The following CDH18 variants were observed in gnomAD, a reference collection of about 807,000 sequenced individuals.
The protein encoded by CDH18 is cadherin-18.
A neutral mutation model predicts 67.9 loss-of-function variants in CDH18; 31 were observed. The ratio of observed to expected loss-of-function variants is 0.46; its 90% CI spans 0.34 to 0.62. The LOEUF (loss-of-function observed/expected upper bound fraction) is 0.62, where lower values mean the gene tolerates loss of function less well. Among genes scored for constraint, CDH18 ranks in the 20% least tolerant of loss-of-function variants. CDH18 has a pLI of 0.01. For synonymous variants in CDH18, 362 were observed against 347.2 expected, an observed-to-expected ratio of 1.04 and a Z score of -0.48; for missense variants, 890 against 975.5, an observed-to-expected ratio of 0.91 and a Z score of 1.17.
intron 2 of CDH18, among the ~76,000 whole-genome samples, chr5:20,115,278 T>TTTTTC (rs1263737192): frequency 8.2e-6 from 1 of 121,472 alleles, no homozygotes; most frequent in Admixed American, 8.9e-5. Context: ...ATCTTTTTTT[T>TTTTTC]TTTTTTTTTT....
intron 5 of CDH18, among the ~76,000 whole-genome samples, chr5:19,679,340 C>A (rs2150377638): frequency 6.6e-6 from 1 of 151,984 alleles, no homozygotes; most frequent in Non-Finnish European, 1.5e-5. Context: ...AATCCACAGC[C>A]AACATCATAT....
intron 2 of CDH18, among the ~76,000 whole-genome samples, chr5:20,040,703 C>T (rs930289184): frequency 6.6e-6 from 1 of 151,980 alleles, no homozygotes; most frequent in Non-Finnish European, 1.5e-5. Flanking sequence ...AAATGGGATC[C>T]CAGTAAATAG....
intron 9 of CDH18, among the ~76,000 whole-genome samples, chr5:19,535,314 G>A (rs1289747513): frequency 3.3e-5 from 5 of 152,128 alleles, no homozygotes; most frequent in Non-Finnish European, 7.4e-5. Flanking sequence ...TTCCCTTCGC[G>A]AGCTAAGTAA....
intron 1 of CDH18, among the ~76,000 whole-genome samples, chr5:20,261,414 A>T (rs1230907521): frequency 6.6e-6 from 1 of 152,088 alleles, no homozygotes; most frequent in Non-Finnish European, 1.5e-5. Context: ...AATACTTGAA[A>T]TGTAGAAATT....
intron 4 of CDH18, among the ~76,000 whole-genome samples, chr5:19,743,413 TG>T (rs937778841): frequency 3.6e-4 from 55 of 152,194 alleles, no homozygotes; most frequent in African/African-American, 1.3e-3. Flanking sequence ...AAGATAACAC[TG>T]TAAATATTTT....
chr5:20,551,608 G>A (rs1757637765), intron 1 of CDH18, among the ~76,000 whole-genome samples: 1 of 152,094 alleles, frequency 6.6e-6, no homozygotes, highest in African/African-American at 2.4e-5. Context: ...CAACTCTACA[G>A]CTGATCTCTG....
chr5:20,449,351 A>C (rs1750252188), intron 1 of CDH18, among the ~76,000 whole-genome samples: 1 of 152,122 alleles, frequency 6.6e-6, no homozygotes, highest in Non-Finnish European at 1.5e-5. Context: ...GGTAAGGCTA[A>C]AAAGAAAACA....
At chr5:20,141,099 G>C (rs533383770) in intron 2 of CDH18, among the ~76,000 whole-genome samples, 2 of 152,098 alleles carry the variant, frequency 1.3e-5, no homozygotes, top group Admixed American at 6.6e-5. Flanking sequence ...AAGAAATTCT[G>C]ATTTGCCTGA....
chr5:19,925,344 C>T (rs1792963013), intron 2 of CDH18, among the ~76,000 whole-genome samples: 1 of 152,046 alleles, frequency 6.6e-6, no homozygotes, highest in African/African-American at 2.4e-5. Context: ...CCCTGTGGGT[C>T]TTCTGGTGTT....
chr5:20,458,991 TA>T lies in CDH18; in HGVS notation c.-580+116470del, dbSNP rs564894276. The stretch of plus-strand genomic sequence containing the variant: ...ATTTATTCTAAAAAAACCAATTTCC[TA>T]AAAAAAAGTGTATACATTTGAGCAC... On this transcript the variant is annotated intron_variant, in intron 1 of 14. Coordinates refer to the CDH18 transcript ENST00000507958. Among the ~76,000 whole-genome samples, 7 of 151,772 alleles carry T rather than the reference TA, an allele frequency of 4.6e-5. No homozygotes were observed. The South Asian group carries it at 1.0e-3, about 23-fold the overall frequency.
At chr5:19,909,718 T>C (rs1170073274) in intron 2 of CDH18, among the ~76,000 whole-genome samples, 2 of 152,164 alleles carry the variant, frequency 1.3e-5, no homozygotes, top group Non-Finnish European at 2.9e-5. Flanking sequence ...TACATATTGA[T>C]GTCTGTCTGA....
chr5:19,875,430 AGATAGATAGATCGATC>A (rs1266736551), intron 2 of CDH18, among the ~76,000 whole-genome samples: 11 of 150,076 alleles, frequency 7.3e-5, no homozygotes, highest in African/African-American at 2.8e-4. Flanking sequence ...ATAGATAGAT[AGATAGATAGATCGATC>A]GATCTATAGA....
At chr5:20,077,592 A>G (rs1230706268) in intron 2 of CDH18, among the ~76,000 whole-genome samples, 1 of 152,220 alleles carries the variant, frequency 6.6e-6, no homozygotes, top group Non-Finnish European at 1.5e-5. Context: ...TTTTCCCAAA[A>G]ATAGGAGATG....
intron 1 of CDH18, among the ~76,000 whole-genome samples, chr5:20,432,388 G>C (rs1748813578): frequency 6.6e-6 from 1 of 152,170 alleles, no homozygotes; most frequent in African/African-American, 2.4e-5. Flanking sequence ...GCTCAGAACA[G>C]AGGGAAAGCT....
intron 2 of CDH18, among the ~76,000 whole-genome samples, chr5:20,229,506 G>T (rs1166591907): frequency 6.6e-6 from 1 of 151,990 alleles, no homozygotes; most frequent in Non-Finnish European, 1.5e-5. Context: ...CACAATGCTT[G>T]CTGTATTGCT....
At chr5:20,333,495 GACTCC>G (rs1244650717) in intron 1 of CDH18, among the ~76,000 whole-genome samples, 1 of 120,128 alleles carries the variant, frequency 8.3e-6, no homozygotes, top group Non-Finnish European at 1.7e-5. Context: ...GACAGAGCAA[GACTCC>G]ATCTCAAAAA....
At chr5:19,998,639 C>G (rs1285973483) in intron 2 of CDH18, among the ~76,000 whole-genome samples, 1 of 151,344 alleles carries the variant, frequency 6.6e-6, no homozygotes, top group African/African-American at 2.4e-5. Context: ...TCAAGGATGG[C>G]AGAAAGAAGG....
In CDH18 at chr5:20,400,609, A is replaced by C. The variant is rs541812839; in HGVS notation, c.-579-145104T>G. On this transcript the variant is annotated intron_variant, in intron 1 of 14. Transcript: ENST00000507958. ...GTCTACTAAAAATACAAAAAAAAAA[A>C]CCAGCGAGGTGTGGTGGTGGCACAC... 8.6e-5 allele frequency among the ~76,000 whole-genome samples: 13 copies of C among 150,918 alleles called. 1 individual carries two copies. In the East Asian group the frequency reaches 1.9e-3, roughly 23 times the overall value.
At chr5:19,732,206 A>C (rs1431138414) in intron 4 of CDH18, among the ~76,000 whole-genome samples, 1 of 151,028 alleles carries the variant, frequency 6.6e-6, no homozygotes, top group Non-Finnish European at 1.5e-5. Flanking sequence ...GTGGGAGGCC[A>C]AGTTGAGCTC....
Sources: allele counts gnomAD v4.1 joint callset (sites outside exome capture counted in the v4.1 genomes callset), GRCh38; gene constraint gnomAD v4.1.1; transcripts MANE v1.5; gene names NCBI Gene and HGNC (gene_info 2026-07-23, HGNC 2026-07-21).